CEP85L: variants seen among roughly 807,000 people sequenced by gnomAD.
CEP85L encodes the protein centrosomal protein of 85 kDa-like.
A neutral mutation model predicts 100.3 loss-of-function variants in CEP85L; 60 were observed. That is an observed-to-expected ratio of 0.60 (90% CI 0.49 to 0.74). The LOEUF is 0.74. Ranked by LOEUF, CEP85L falls within the 30% of genes least tolerant of loss-of-function variation. The pLI is 0.00. For missense variants in CEP85L, 973 were observed against 936.2 expected (o/e 1.04, Z -0.51); for synonymous variants, 319 against 322.7 (o/e 0.99, Z 0.12).
chr6:118,537,610 T>A, intron 3 of CEP85L: 1 of 985,336 alleles, frequency 1.0e-6, no homozygotes, highest in Non-Finnish European at 1.2e-6. Flanking sequence ...GCTACTTAGA[T>A]GAGATCCGGA....
chr6:118,531,651 TAAAC>T (rs1486528774), intron 3 of CEP85L, among the ~76,000 whole-genome samples: 5 of 151,846 alleles, frequency 3.3e-5, no homozygotes, highest in African/African-American at 1.2e-4. Context: ...ATAAGGAACT[TAAAC>T]AAATTTACAA....
At chr6:118,691,600 T>TGGCA (rs1777047883) in intron 1 of CEP85L, among the ~76,000 whole-genome samples, 2 of 135,620 alleles carry the variant, frequency 1.5e-5, no homozygotes, top group African/African-American at 5.8e-5. Flanking sequence ...CCAGGCGTGG[T>TGGCA]GGCAGGCAGG....
intron 1 of CEP85L, among the ~76,000 whole-genome samples, chr6:118,659,738 C>T (rs1322961563): frequency 6.6e-6 from 1 of 152,232 alleles, no homozygotes; most frequent in African/African-American, 2.4e-5. Context: ...CAGTCTGGTT[C>T]TGGCCCAGGC....
intron 1 of CEP85L, among the ~76,000 whole-genome samples, chr6:118,699,964 G>T (rs1268007618): frequency 1.3e-5 from 2 of 152,096 alleles, no homozygotes; most frequent in African/African-American, 4.8e-5. Context: ...CAAAGTGCTG[G>T]GATTACAGGC....
rs565692601 is a variant in CEP85L, at chr6:118,559,160, T to C, written c.1020+6369A>G. On this transcript the variant is annotated intron_variant, in intron 3 of 12. Coordinates refer to ENST00000368491, the MANE Select transcript of CEP85L (RefSeq NM_001042475.3). ...ATCCCATGCAGACAGGAAAACAATA[T>C]TGTATAACAGACCACTTCCTGAGTA... The C allele has an allele frequency of 1.1e-4, 115 of 1,042,018 alleles. No individual in the cohort carries two copies. The highest frequency in any genetic ancestry group is 1.9e-4 in the East Asian group (8 of 42,264). 64.5% of individuals were successfully genotyped at this position (1,042,018 alleles called of 1,614,324 possible).
chr6:118,496,275 C>A (rs113059646), intron 5 of CEP85L, among the ~76,000 whole-genome samples: 146 of 152,300 alleles, frequency 9.6e-4, no homozygotes, highest in African/African-American at 3.4e-3. Flanking sequence ...GATGGTGCAG[C>A]TCTGTGAGGA....
intron 10 of CEP85L, among the ~76,000 whole-genome samples, chr6:118,472,675 T>C (rs1773055134): frequency 6.6e-6 from 1 of 152,200 alleles, no homozygotes; most frequent in Non-Finnish European, 1.5e-5. Context: ...TACTTTACAA[T>C]GCATAAATGA....
At chr6:118,616,964 G>A (rs1332634318) in intron 2 of CEP85L, among the ~76,000 whole-genome samples, 1 of 150,886 alleles carries the variant, frequency 6.6e-6, no homozygotes, top group African/African-American at 2.4e-5. Context: ...AAAAGGCTGA[G>A]GTAGGAGGGG....
intron 1 of CEP85L, among the ~76,000 whole-genome samples, chr6:118,667,220 G>C (rs570298829): frequency 6.6e-6 from 1 of 152,218 alleles, no homozygotes; most frequent in South Asian, 2.1e-4. Flanking sequence ...CAGTTCTTTA[G>C]AGAAAAAAAT....
At chr6:118,591,043 G>A (rs747065607) in intron 2 of CEP85L, among the ~76,000 whole-genome samples, 19 of 152,056 alleles carry the variant, frequency 1.2e-4, no homozygotes, top group Non-Finnish European at 2.4e-4. Flanking sequence ...CTGGGTAAGG[G>A]TCCAGCAATC....
chr6:118,636,803 C>T (rs1388098296), intron 1 of CEP85L, among the ~76,000 whole-genome samples: 1 of 152,200 alleles, frequency 6.6e-6, no homozygotes, highest in Non-Finnish European at 1.5e-5. Context: ...TGCCAGCCTT[C>T]AGACTGGAAC....
At chr6:118,522,884 A>G (rs1018625831) in intron 4 of CEP85L, among the ~76,000 whole-genome samples, 2 of 152,124 alleles carry the variant, frequency 1.3e-5, no homozygotes. Context: ...CAAAAAAAAA[A>G]AAAAATTGGG....
chr6:118,648,256 AAAAT>A (rs1372416117), intron 1 of CEP85L, among the ~76,000 whole-genome samples: 5 of 152,194 alleles, frequency 3.3e-5, no homozygotes, highest in African/African-American at 9.7e-5. Flanking sequence ...TCTGTCTCAA[AAAAT>A]AAATAAATAA....
chr6:118,492,704 G>A (rs764012154), intron 5 of CEP85L, among the ~76,000 whole-genome samples: 6 of 152,152 alleles, frequency 3.9e-5, no homozygotes, highest in East Asian at 3.8e-4. Context: ...AAGCACATAC[G>A]TTAGGCATTG....
At chr6:118,662,195 A>G (rs1325960243) in intron 1 of CEP85L, among the ~76,000 whole-genome samples, 7 of 152,230 alleles carry the variant, frequency 4.6e-5, no homozygotes, top group Admixed American at 3.9e-4. Context: ...AGAATTTCAC[A>G]TGCAGCTTCC....
At chr6:118,632,273 G>A (rs1774214695) in intron 2 of CEP85L, among the ~76,000 whole-genome samples, 180 bp downstream of exon 2, 1 of 152,160 alleles carries the variant, frequency 6.6e-6, no homozygotes, top group Non-Finnish European at 1.5e-5. Context: ...ATAGGCATGA[G>A]CCACCGCGCC....
chr6:118,514,292 A>G (rs1776135812), intron 4 of CEP85L, among the ~76,000 whole-genome samples: 1 of 152,142 alleles, frequency 6.6e-6, no homozygotes, highest in African/African-American at 2.4e-5. Context: ...TGGGAGGCTG[A>G]GGCAGGTGGA....
Position 118,465,661 on chromosome 6 carries a change from C to A in CEP85L, c.2255-93G>T, listed in dbSNP as rs942308557. On this transcript the variant is annotated intron_variant, in intron 12 of 12. Transcript: ENST00000368491. ...CCTTAATCATCATGGAAATACAGTG[C>A]TACACACTGAATACCAGTGAGGCTC... The A allele has an allele frequency of 3.5e-6, 4 of 1,150,812 alleles. No homozygotes were observed. In the African/African-American group the frequency reaches 6.1e-5, roughly 18 times the overall value. 71.3% of individuals were successfully genotyped at this position (1,150,812 alleles called of 1,614,324 possible).
In CEP85L at chr6:118,464,813, T is replaced by C. The variant is rs1022577479; in HGVS notation, c.*592A>G. 1.2e-4 allele frequency: 18 copies of C among 151,842 alleles called. No individual in the cohort carries two copies. Among genetic ancestry groups the C allele is most frequent in the African/African-American group, 3.9e-4 (16 of 41,312 alleles). 9.4% of individuals were successfully genotyped at this position (151,842 alleles called of 1,614,324 possible). ...AATCAGCTCAACCACAAACATCCTA[T>C]CAGTGCAGTAAGTGTTCAAAATATA... On this transcript the variant is annotated 3_prime_UTR_variant, in exon 13 of 13. Transcript: ENST00000368491.
Sources: allele counts gnomAD v4.1 joint callset (sites outside exome capture counted in the v4.1 genomes callset), GRCh38; gene constraint gnomAD v4.1.1; transcripts MANE v1.5; gene names NCBI Gene and HGNC (gene_info 2026-07-23, HGNC 2026-07-21).